The following USH2A variants were observed in gnomAD, a reference collection of about 807,000 sequenced individuals.
USH2A encodes Usher syndrome 2A (autosomal recessive, mild).
USH2A carries 443 observed loss-of-function variants against 538.9 expected under a neutral mutation model. The observed-to-expected ratio is 0.82, with a 90% CI of 0.76 to 0.89. The LOEUF is 0.89. Ranked by LOEUF, USH2A falls within the 40% of genes least tolerant of loss-of-function variation. The pLI is 0.00. For synonymous variants in USH2A, 2,413 were observed against 2,273.5 expected, an observed-to-expected ratio of 1.06 and a Z score of -1.75; for missense variants, 6,633 against 6,324.8, an observed-to-expected ratio of 1.05 and a Z score of -1.65.
rs1215540106 is a variant in USH2A, at chr1:216,198,561, ATAG to A, written c.3832_3834del (p.Leu1278del). ...TTAGTAGATCTCAGTCTTCTCATGT[ATAG>A]TTCATATCTTATAATTATTCCTAGA... On this transcript the variant is annotated inframe_deletion, in exon 18 of 72. Transcript: ENST00000307340. 1.9e-6 allele frequency: 3 copies of A among 1,613,492 alleles called. No homozygotes were observed. Among genetic ancestry groups the A allele is most frequent in the Non-Finnish European group, 2.5e-6 (3 of 1,179,796 alleles).
chr1:216,062,343 G>A (rs987035696), intron 30 of USH2A, among the ~76,000 whole-genome samples: 1 of 152,136 alleles, frequency 6.6e-6, no homozygotes, highest in African/African-American at 2.4e-5. Flanking sequence ...CAAGCTAGAT[G>A]AGGAAAAAGG....
rs541818609 is a variant in USH2A, at chr1:215,679,624, C to T, written c.12294+525G>A. 5.3e-5 allele frequency among the ~76,000 whole-genome samples: 8 copies of T among 152,324 alleles called. No individual in the cohort carries two copies. In the South Asian group the frequency reaches 1.0e-3, roughly 20 times the overall value. ...GCTGGCAGAGCTTGAGATACGTATA[C>T]AACATTTATAACATTGTTTCTCACG... On this transcript the variant is annotated intron_variant, in intron 62 of 71. Transcript: ENST00000307340.
chr1:215,656,558 T>C (rs568673029), intron 64 of USH2A, among the ~76,000 whole-genome samples: 9 of 152,178 alleles, frequency 5.9e-5, no homozygotes, highest in Non-Finnish European at 1.3e-4. Context: ...CTCTAATCTG[T>C]TAACTCCTAA....
rs763747123 is a variant in USH2A, at chr1:216,073,141, C to T, written c.5732G>A (p.Gly1911Glu). ...ACCCTCGTAAACACTCTGCTCTTTT[C>T]CCTGGTAAACCAGGATGGAGTCATT... The part of the protein sequence containing the change: ...RGNDSILVYQ[G>E]KEQSVYEGGL... The change falls in exon 28 of 72, where the codon GGA becomes GAA. Residue 1911 changes from glycine to glutamate, a missense_variant. Gly to Glu is a moderately conservative substitution (Grantham distance 98). Transcript: ENST00000307340. 9 of 1,613,778 alleles carry T rather than the reference C, an allele frequency of 5.6e-6. No homozygotes were observed. Among genetic ancestry groups the T allele is most frequent in the Non-Finnish European group, 6.8e-6 (8 of 1,179,972 alleles).
intron 14 of USH2A, among the ~76,000 whole-genome samples, chr1:216,229,057 C>G (rs2035621600): frequency 6.6e-6 from 1 of 151,924 alleles, no homozygotes; most frequent in African/African-American, 2.4e-5. Context: ...ACCTGTAATC[C>G]CAGCTACTCA....
intron 32 of USH2A, among the ~76,000 whole-genome samples, chr1:216,014,782 T>C (rs1668666955): frequency 6.6e-6 from 1 of 152,192 alleles, no homozygotes; most frequent in South Asian, 2.1e-4. Context: ...ACCTTACCGA[T>C]TACTGTCAAG....
chr1:215,963,608 C>A (rs1448745704), intron 37 of USH2A, among the ~76,000 whole-genome samples: 1 of 152,180 alleles, frequency 6.6e-6, no homozygotes, highest in Admixed American at 6.6e-5. Flanking sequence ...TTATTACCAG[C>A]AGGAGATAAA....
chr1:215,625,953 G>A, intron 71 of USH2A, 83 bp from the exon 72 acceptor site: 16 of 1,363,066 alleles, frequency 1.2e-5, no homozygotes, highest in Admixed American at 1.7e-5. Flanking sequence ...TCAATTAAGT[G>A]TAAAAAGTAA....
At chr1:215,629,271 T>A (rs73087442) in intron 70 of USH2A, among the ~76,000 whole-genome samples, 116 of 152,256 alleles carry the variant, frequency 7.6e-4, no homozygotes, top group Non-Finnish European at 1.6e-3. Context: ...ATACTCAAGT[T>A]AGGTGGCCAG....
intron 37 of USH2A, among the ~76,000 whole-genome samples, chr1:215,942,053 G>T (rs977621090): frequency 2.0e-5 from 3 of 152,104 alleles, no homozygotes; most frequent in Admixed American, 6.6e-5. Context: ...TGCAGTCAAG[G>T]TGTTGGCCAG....
At chr1:215,869,649 A>G (rs898565906) in intron 43 of USH2A, among the ~76,000 whole-genome samples, 3 of 152,246 alleles carry the variant, frequency 2.0e-5, no homozygotes, top group African/African-American at 4.8e-5. Context: ...ATGACTTAAA[A>G]GAAATGTAGC....
chr1:215,975,812 T>C (rs2102462470), intron 35 of USH2A, among the ~76,000 whole-genome samples: 1 of 152,266 alleles, frequency 6.6e-6, no homozygotes, highest in Middle Eastern at 3.4e-3. Flanking sequence ...TCTTTTTGGG[T>C]TCCATATGAA....
At chr1:215,690,732 C>T (rs1477526640) in intron 61 of USH2A, among the ~76,000 whole-genome samples, 1 of 151,418 alleles carries the variant, frequency 6.6e-6, no homozygotes. Context: ...TTCATTTTCT[C>T]TTTTTTTTCA....
intron 32 of USH2A, among the ~76,000 whole-genome samples, chr1:216,013,384 C>G (rs1300835738): frequency 6.6e-6 from 1 of 151,680 alleles, no homozygotes; most frequent in African/African-American, 2.4e-5. Flanking sequence ...CCATACCATC[C>G]CCCAAAATTT....
chr1:216,382,690 C>T (rs971852223), intron 3 of USH2A, among the ~76,000 whole-genome samples: 11 of 151,852 alleles, frequency 7.2e-5, no homozygotes, highest in African/African-American at 1.9e-4. Context: ...AAGTGTGTGC[C>T]GTGAAAAGTG....
At chr1:216,066,690 G>T (rs1021079842) in intron 30 of USH2A, among the ~76,000 whole-genome samples, 1 of 152,148 alleles carries the variant, frequency 6.6e-6, no homozygotes, top group African/African-American at 2.4e-5. Context: ...TATTTACCTA[G>T]AAGGATTTTA....
At chr1:215,981,961 A>G (rs1667761475) in intron 35 of USH2A, among the ~76,000 whole-genome samples, 1 of 152,350 alleles carries the variant, frequency 6.6e-6, no homozygotes, top group Admixed American at 6.5e-5. Flanking sequence ...TTGTATGGCC[A>G]ATTATTTTGA....
chr1:216,162,908 G>A (rs2034087560), intron 21 of USH2A, among the ~76,000 whole-genome samples: 1 of 151,954 alleles, frequency 6.6e-6, no homozygotes, highest in Admixed American at 6.6e-5. Flanking sequence ...AAAAAGAATT[G>A]TTACACAGAA....
chr1:216,006,491 T>C (rs1184929555), intron 32 of USH2A, among the ~76,000 whole-genome samples: 1 of 152,226 alleles, frequency 6.6e-6, no homozygotes, highest in East Asian at 1.9e-4. Flanking sequence ...TTCCCACTTC[T>C]GGATAAATCT....
Sources: allele counts gnomAD v4.1 joint callset (sites outside exome capture counted in the v4.1 genomes callset), GRCh38; gene constraint gnomAD v4.1.1; transcripts MANE v1.5; gene names NCBI Gene and HGNC (gene_info 2026-07-23, HGNC 2026-07-21).